PACS2: variants seen among roughly 807,000 people sequenced by gnomAD.
PACS2 encodes phosphofurin acidic cluster sorting protein 2, also known as PACS1-like protein.
In PACS2, 36 loss-of-function variants were observed where a neutral mutation model predicts 113.0. The observed-to-expected ratio is 0.32, with a 90% confidence interval of 0.24 to 0.42. The LOEUF (loss-of-function observed/expected upper bound fraction) is 0.42. Ranked by LOEUF, PACS2 falls within the 10% of genes least tolerant of loss-of-function variation. The probability of loss-of-function intolerance (pLI) is 1.00; values close to 1 mark genes in which losing one functional copy is unlikely to be tolerated. For synonymous variants in PACS2, 589 were observed against 536.1 expected, an observed-to-expected ratio of 1.10 and a Z score of -1.36; for missense variants, 1,015 against 1,239.5, an observed-to-expected ratio of 0.82 and a Z score of 2.72.
At chr14:105,364,396 T>TGTCCCGGGTGCGCGGTGGGCGGC (rs2060861710) in intron 4 of PACS2, among the ~76,000 whole-genome samples, 1 of 78,156 alleles carries the variant, frequency 1.3e-5, no homozygotes, top group Non-Finnish European at 2.2e-5. Context: ...CGGTGGGCGG[T>TGTCCCGGGTGCGCGGTGGGCGGC]GTCCCGGGTG....
At chr14:105,380,037 C>T (rs1438946275) in intron 10 of PACS2, 43 bp from the exon 11 acceptor site, 4 of 1,522,554 alleles carry the variant, frequency 2.6e-6, no homozygotes, top group Middle Eastern at 3.3e-4. Flanking sequence ...CGCCTTGGCA[C>T]CTGCAGTTGA....
intron 1 of PACS2, among the ~76,000 whole-genome samples, chr14:105,322,720 C>T (rs2058946828): frequency 6.6e-6 from 1 of 152,128 alleles, no homozygotes; most frequent in South Asian, 2.1e-4. Flanking sequence ...CTTGTGAAGC[C>T]CACAAGATGT....
intron 4 of PACS2, among the ~76,000 whole-genome samples, chr14:105,362,355 T>C (rs587699528): frequency 6.8e-6 from 1 of 146,952 alleles, no homozygotes; most frequent in Non-Finnish European, 1.5e-5. Context: ...AGGTGGAGCT[T>C]GCAGTGAGCC....
chr14:105,341,278 C>T (rs2140963074), intron 1 of PACS2, among the ~76,000 whole-genome samples: 1 of 152,358 alleles, frequency 6.6e-6, no homozygotes, highest in Admixed American at 6.5e-5. Flanking sequence ...AGCCTCTATT[C>T]TCTGGGATTC....
Position 105,382,504 on chromosome 14 carries a change from C to A in PACS2, c.1441C>A (p.Leu481Ile). Residue 481 changes from leucine to isoleucine, a missense_variant, in exon 14 of 25, where the codon CTC becomes ATC. Coordinates refer to ENST00000447393, the MANE Select transcript of PACS2 (RefSeq NM_001100913.3). The part of the protein sequence containing the change: ...QIPRKTVYDQ[L>I]NHILISDDQL... ...CCCCAGGAAGACTGTGTATGACCAG[C>A]TCAACCACATCCTCATCTCCGATGA... is the stretch of plus-strand genomic sequence containing the variant. The A allele has an allele frequency of 6.2e-7, 1 of 1,611,368 alleles. No homozygotes were observed. The highest frequency in any genetic ancestry group is 8.5e-7 in the Non-Finnish European group (1 of 1,177,494).
At position 105,355,833 on chromosome 14, in the gene PACS2, G is replaced by A. The variant is rs1039169778; in HGVS notation, c.423+656G>A. ...AGAAGACACCCCAGGCTGAGGCCTCGGACTTTCTCATGGACCCTTTCGGGG... is the reference window on the plus strand; with the variant it reads ...AGAAGACACCCCAGGCTGAGGCCTCAGACTTTCTCATGGACCCTTTCGGGG... On this transcript the variant is annotated intron_variant, in intron 4 of 24. Transcript: ENST00000447393. The surrounding 1 kb of genome is among the most constrained non-coding windows in gnomAD (Gnocchi z 4.1). Among the ~76,000 whole-genome samples, 4 of 152,160 alleles carry A rather than the reference G, an allele frequency of 2.6e-5. No individual in the cohort carries two copies. Among genetic ancestry groups the A allele is most frequent in the East Asian group, 1.9e-4 (1 of 5,194 alleles).
At chr14:105,359,935 T>C (rs1350378266) in intron 4 of PACS2, among the ~76,000 whole-genome samples, 2 of 152,212 alleles carry the variant, frequency 1.3e-5, no homozygotes, top group Admixed American at 6.5e-5. Context: ...CAGCCTACTT[T>C]TTCTGTGTTT....
intron 16 of PACS2, 68 bp downstream of exon 16, chr14:105,383,581 G>GGT: frequency 6.8e-7 from 1 of 1,467,054 alleles, no homozygotes; most frequent in Non-Finnish European, 9.2e-7. Context: ...GGCATGGAGT[G>GGT]GTGTGGCGTG....
chr14:105,323,348 G>A lies in PACS2; in HGVS notation c.119+8311G>A, dbSNP rs1203107683. Reference sequence around the variant, plus strand: ...TGGTGTCAGTGGGCGGCGGCTGGCTGGGGCAGTAGCCTGTCTCCAGCCCTT... The same window carrying A: ...TGGTGTCAGTGGGCGGCGGCTGGCTAGGGCAGTAGCCTGTCTCCAGCCCTT... On this transcript the variant is annotated intron_variant, in intron 1 of 24. Transcript: ENST00000447393. The surrounding 1 kb of genome is among the most constrained non-coding windows in gnomAD (Gnocchi z 4.1). Among the ~76,000 whole-genome samples the A allele has an allele frequency of 6.6e-6, 1 of 152,198 alleles. No individual in the cohort carries two copies. The highest frequency in any genetic ancestry group is 1.5e-5 in the Non-Finnish European group (1 of 68,034).
chr14:105,362,970 GGGT>G (rs2060789214), intron 4 of PACS2, among the ~76,000 whole-genome samples: 2 of 152,112 alleles, frequency 1.3e-5, no homozygotes, highest in African/African-American at 4.8e-5. Flanking sequence ...CAGAGCTCTT[GGGT>G]GACCAGGTCA....
chr14:105,347,023 G>A (rs1487114881), intron 1 of PACS2, among the ~76,000 whole-genome samples: 12 of 108,862 alleles, frequency 1.1e-4, no homozygotes, highest in East Asian at 5.2e-4. Context: ...CCGCCTGCAC[G>A]GCTCCCCCAC....
rs1555416972 is a variant in PACS2, at chr14:105,396,836, C to T, written c.*2164C>T. ...CTGTTTCTTTCCCAAGGGTCACACTCAGTAGGGAGATGAAGGTGGAAACAT... is the reference window on the plus strand; with the variant it reads ...CTGTTTCTTTCCCAAGGGTCACACTTAGTAGGGAGATGAAGGTGGAAACAT... On this transcript the variant is annotated 3_prime_UTR_variant, in exon 25 of 25. Transcript: ENST00000447393. 1 of 152,258 alleles carries T rather than the reference C, an allele frequency of 6.6e-6. No homozygotes were observed. Among genetic ancestry groups the T allele is most frequent in the Non-Finnish European group, 1.5e-5 (1 of 68,076 alleles). The allele number at this position is 152,258 out of a possible 1,614,324, so 9.4% of individuals were successfully genotyped here.
intron 19 of PACS2, chr14:105,388,690 G>A (rs1347931370): frequency 1.3e-5 from 2 of 152,330 alleles, no homozygotes; most frequent in Admixed American, 1.3e-4. Flanking sequence ...GGCAACAGGT[G>A]CTCCTCTGCA....
intron 9 of PACS2, among the ~76,000 whole-genome samples, chr14:105,379,069 G>A (rs587676923): frequency 6.6e-6 from 1 of 152,094 alleles, no homozygotes; most frequent in Admixed American, 6.5e-5. Flanking sequence ...GAAAGGCATG[G>A]ATGGCCTGGA....
chr14:105,380,978 C>G lies in PACS2; in HGVS notation c.1147C>G (p.His383Asp). 1 of 1,611,476 alleles carries G rather than the reference C, an allele frequency of 6.2e-7. No individual in the cohort carries two copies. Among genetic ancestry groups the G allele is most frequent in the East Asian group, 2.2e-5 (1 of 44,838 alleles). Residue 383 changes from histidine to aspartate, a missense_variant, in exon 12 of 25, where the codon CAC becomes GAC. Physicochemically the swap from His to Asp is moderately conservative, Grantham distance 81. This residue lies in a region of PACS2 where 859 missense variants were observed against 1,056.8 expected (regional missense o/e 0.81). Transcript: ENST00000447393. ...VALGVPGPRE[H>D]PGQPEDSPEA... The stretch of plus-strand genomic sequence containing the variant: ...GCAGGGTGTGCCAGGCCCGAGGGAG[C>G]ACCCTGGACAGCCTGAGGACAGCCC...
chr14:105,382,448 T>C, intron 13 of PACS2, 29 bp from the exon 14 acceptor site: 12 of 1,316,638 alleles, frequency 9.1e-6, no homozygotes, highest in Non-Finnish European at 1.3e-5. Context: ...GCTTCTCTTC[T>C]GGGTGTGGAC....
At chr14:105,341,322 G>A (rs587734210) in intron 1 of PACS2, among the ~76,000 whole-genome samples, 5 of 152,278 alleles carry the variant, frequency 3.3e-5, no homozygotes, top group African/African-American at 1.2e-4. Flanking sequence ...CACCTATTTC[G>A]AGCAGACACA....
rs1159995862 is a variant in PACS2 at position 105,340,143 on chromosome 14, G to A, written c.120-8350G>A. On this transcript the variant is annotated intron_variant, in intron 1 of 24. Coordinates refer to ENST00000447393, the MANE Select transcript of PACS2 (RefSeq NM_001100913.3). This position sits in a 1 kb window ranked among gnomAD's most constrained non-coding sequence, Gnocchi z 4.2. ...TAGCTATGCTAGTTAAAACAATATG[G>A]AATTGGCAGAAGTATAAACATTGAC... is the stretch of plus-strand genomic sequence containing the variant. Among the ~76,000 whole-genome samples, 1 of 152,194 alleles carries A rather than the reference G, an allele frequency of 6.6e-6. No individual in the cohort carries two copies. Among genetic ancestry groups the A allele is most frequent in the Non-Finnish European group, 1.5e-5 (1 of 68,038 alleles).
chr14:105,351,375 G>A (rs2060172451), intron 2 of PACS2, among the ~76,000 whole-genome samples: 1 of 152,214 alleles, frequency 6.6e-6, no homozygotes, highest in Admixed American at 6.5e-5. Flanking sequence ...CTGCTGGCCT[G>A]AAGCTCACTG....
Sources: allele counts gnomAD v4.1 joint callset (sites outside exome capture counted in the v4.1 genomes callset), GRCh38; gene constraint gnomAD v4.1.1; regional missense constraint gnomAD v4.1.1; non-coding constraint Gnocchi (gnomAD v3.1); transcripts MANE v1.5; gene names NCBI Gene and HGNC (gene_info 2026-07-23, HGNC 2026-07-21).